Variants in TOX3 observed in about 807,000 individuals in gnomAD.
TOX3 encodes the protein TOX high mobility group box family member 3, also known as CAG trinucleotide repeat-containing gene F9 protein.
TOX3 carries 22 observed loss-of-function variants against 64.3 expected under a neutral mutation model. That is an observed-to-expected ratio of 0.34 (90% CI 0.24 to 0.49). The LOEUF (loss-of-function observed/expected upper bound fraction) is 0.49, where lower values mean the gene tolerates loss of function less well. Ranked by LOEUF, TOX3 falls within the 20% of genes least tolerant of loss-of-function variation. The probability of loss-of-function intolerance (pLI) is 0.99; values close to 1 mark genes in which losing one functional copy is unlikely to be tolerated. For missense variants in TOX3, 661 were observed against 714.4 expected (o/e 0.93, Z 0.85); for synonymous variants, 291 against 273.6 (o/e 1.06, Z -0.63).
intron 3 of TOX3, among the ~76,000 whole-genome samples, chr16:52,453,781 C>G (rs1159950906): frequency 2.1e-5 from 3 of 145,238 alleles, no homozygotes; most frequent in Middle Eastern, 3.2e-3. Flanking sequence ...CAAACACAAG[C>G]ATGTCTCCTT....
chr16:52,510,759 CAA>C (rs71376169), intron 1 of TOX3, among the ~76,000 whole-genome samples: 3 of 72,080 alleles, frequency 4.2e-5, no homozygotes, highest in Admixed American at 1.8e-4. Flanking sequence ...GACCCTGTCT[CAA>C]AAAAAAAAAA....
chr16:52,481,029 A>T (rs1386465391), intron 1 of TOX3, among the ~76,000 whole-genome samples: 1 of 152,110 alleles, frequency 6.6e-6, no homozygotes, highest in Non-Finnish European at 1.5e-5. Context: ...CACAACAAAG[A>T]CCTGCCCTAT....
chr16:52,509,346 A>G (rs975330059), intron 1 of TOX3, among the ~76,000 whole-genome samples: 3 of 152,214 alleles, frequency 2.0e-5, no homozygotes, highest in Admixed American at 1.3e-4. Flanking sequence ...GTCAGTGTGC[A>G]CTGTTAACCT....
In TOX3 at chr16:52,499,164, A is replaced by G. The variant is rs149353178; in HGVS notation, c.88-30590T>C. Among the ~76,000 whole-genome samples, 313 of 152,330 alleles carry G rather than the reference A, an allele frequency of 2.1e-3. 1 individual carries two copies. Among genetic ancestry groups the G allele is most frequent in the African/African-American group, 7.4e-3 (306 of 41,572 alleles). The stretch of plus-strand genomic sequence containing the variant: ...TGATTCACAAGACCCCCTGGAAATT[A>G]GGTTTTATAACTATGATCACAGGGG... On this transcript the variant is annotated intron_variant, in intron 1 of 6. Coordinates refer to ENST00000219746, the MANE Select transcript of TOX3 (RefSeq NM_001080430.4).
At chr16:52,513,268 T>G (rs1567344072) in intron 1 of TOX3, among the ~76,000 whole-genome samples, 1 of 152,298 alleles carries the variant, frequency 6.6e-6, no homozygotes, top group East Asian at 1.9e-4. Context: ...AAACAACAGG[T>G]AATACAATGT....
chr16:52,438,223 T>A lies in TOX3; in HGVS notation c.*1002A>T, dbSNP rs1285675153. 6.6e-6 allele frequency: 1 copy of A among 152,668 alleles called. No homozygotes were observed. The highest frequency in any genetic ancestry group is 1.9e-4 in the East Asian group (1 of 5,202). 9.5% of individuals were successfully genotyped at this position (152,668 alleles called of 1,614,324 possible). A position where few individuals can be genotyped will look rare whatever the true frequency, so the allele number is the denominator to read the frequency against. On this transcript the variant is annotated 3_prime_UTR_variant, in exon 7 of 7. Transcript: ENST00000219746. Reference sequence around the variant, plus strand: ...ACACAATAAGCAACGTAGCAATGAATGGTTTATGTCACCAGTGTTTACGTT... The same window carrying A: ...ACACAATAAGCAACGTAGCAATGAAAGGTTTATGTCACCAGTGTTTACGTT...
chr16:52,495,615 T>C (rs1358067981), intron 1 of TOX3, among the ~76,000 whole-genome samples: 4 of 152,184 alleles, frequency 2.6e-5, no homozygotes, highest in Admixed American at 1.3e-4. Flanking sequence ...GCACATGTGG[T>C]GTACGCAGAA....
chr16:52,438,579 T>C lies in TOX3; in HGVS notation c.*646A>G, dbSNP rs942496178. On this transcript the variant is annotated 3_prime_UTR_variant, in exon 7 of 7. Transcript: ENST00000219746. The stretch of plus-strand genomic sequence containing the variant: ...GATATTGTTACAACATATACTGTGG[T>C]TTGATTTGGAGAAGTCATGGATAAA... 1.7e-5 allele frequency: 3 copies of C among 178,920 alleles called. No homozygotes were observed. Among genetic ancestry groups the C allele is most frequent in the African/African-American group, 7.2e-5 (3 of 41,746 alleles). The allele number at this position is 178,920 out of a possible 1,614,324, so 11.1% of individuals were successfully genotyped here.
intron 1 of TOX3, among the ~76,000 whole-genome samples, chr16:52,508,713 G>A (rs1287271242): frequency 3.3e-5 from 5 of 151,904 alleles, no homozygotes; most frequent in African/African-American, 1.2e-4. Flanking sequence ...AGGAAGGGAG[G>A]GAGTTGCAAC....
intron 1 of TOX3, among the ~76,000 whole-genome samples, chr16:52,486,321 G>T (rs1308954741): frequency 6.6e-6 from 1 of 152,166 alleles, no homozygotes; most frequent in African/African-American, 2.4e-5. Flanking sequence ...GACATCAAGA[G>T]AAGACTTCAC....
intron 1 of TOX3, among the ~76,000 whole-genome samples, chr16:52,540,555 A>G (rs1690816401): frequency 6.6e-6 from 1 of 152,162 alleles, no homozygotes; most frequent in Non-Finnish European, 1.5e-5. Flanking sequence ...GATTGGTCTA[A>G]ACTGATCAAA....
intron 3 of TOX3, among the ~76,000 whole-genome samples, chr16:52,457,124 T>A (rs1371836762): frequency 6.6e-6 from 1 of 152,344 alleles, no homozygotes; most frequent in East Asian, 1.9e-4. Flanking sequence ...TCCTTTTCAC[T>A]CATTTTTTCA....
chr16:52,478,327 T>C (rs1246700899), intron 1 of TOX3, among the ~76,000 whole-genome samples: 2 of 152,174 alleles, frequency 1.3e-5, no homozygotes, highest in Non-Finnish European at 2.9e-5. Flanking sequence ...GGCCACTCAT[T>C]GCACTTGCTG....
At chr16:52,516,457 C>G (rs540337117) in intron 1 of TOX3, among the ~76,000 whole-genome samples, 1 of 152,236 alleles carries the variant, frequency 6.6e-6, no homozygotes, top group South Asian at 2.1e-4. Context: ...GCAACAGAGC[C>G]AAGTATACTT....
intron 1 of TOX3, among the ~76,000 whole-genome samples, chr16:52,514,464 C>T (rs1377593722): frequency 6.6e-6 from 1 of 152,108 alleles, no homozygotes; most frequent in African/African-American, 2.4e-5. Context: ...ATATAACACA[C>T]TGAAAAGAAG....
chr16:52,470,071 C>A (rs187130283), intron 1 of TOX3, among the ~76,000 whole-genome samples: 1 of 152,342 alleles, frequency 6.6e-6, no homozygotes, highest in Non-Finnish European at 1.5e-5. Flanking sequence ...TATCTGGTTT[C>A]TCTGAAGGCA....
chr16:52,442,001 C>G (rs1348899792), intron 6 of TOX3, among the ~76,000 whole-genome samples: 1 of 152,174 alleles, frequency 6.6e-6, no homozygotes, highest in Non-Finnish European at 1.5e-5. Context: ...CTTATATACT[C>G]TAGTAGTTAA....
chr16:52,466,279 C>A (rs544348859), intron 2 of TOX3, among the ~76,000 whole-genome samples: 2 of 152,182 alleles, frequency 1.3e-5, no homozygotes, highest in Admixed American at 1.3e-4. Context: ...TCAGGGTAAT[C>A]ATGACACAGA....
chr16:52,464,033 T>C lies in TOX3; in HGVS notation c.309A>G (p.Thr103=), dbSNP rs1287202468. ...CCAGGCTTTGAGGGGGAAACTGGGG[T>C]GTGAATTCACTTCCCTGGGAAGGCA... ...DPLPSQGSEF[T]PQFPPQSLDL... The change falls in exon 3 of 7, where the codon ACA becomes ACG. Residue 103 remains threonine (T), a synonymous_variant. Transcript: ENST00000219746. The C allele has an allele frequency of 1.9e-6, 3 of 1,601,564 alleles. No individual in the cohort carries two copies. In the Admixed American group the frequency reaches 5.2e-5, roughly 28 times the overall value.
Sources: gnomAD v4.1 joint callset for allele counts (sites outside exome capture counted in the v4.1 genomes callset) on GRCh38, gnomAD v4.1.1 for gene constraint, MANE v1.5 for transcripts, NCBI Gene and HGNC (gene_info 2026-07-23, HGNC 2026-07-21) for gene names.